TMEM71: variants seen among roughly 807,000 people sequenced by gnomAD.
TMEM71 encodes transmembrane protein 71.
A neutral mutation model predicts 38.0 loss-of-function variants in TMEM71; 44 were observed. That is an observed-to-expected ratio of 1.16 (90% CI 0.91 to 1.49). The LOEUF (loss-of-function observed/expected upper bound fraction) is 1.49, where lower values mean the gene tolerates loss of function less well. Among genes scored for constraint, TMEM71 ranks in the 40% most tolerant of loss-of-function variants. The pLI is 0.00. For synonymous variants in TMEM71, 133 were observed against 122.5 expected, an observed-to-expected ratio of 1.09 and a Z score of -0.56; for missense variants, 367 against 348.6, an observed-to-expected ratio of 1.05 and a Z score of -0.42.
chr8:132,755,043 C>T (rs190983952), intron 3 of TMEM71, among the ~76,000 whole-genome samples: 1 of 152,148 alleles, frequency 6.6e-6, no homozygotes, highest in African/African-American at 2.4e-5. Flanking sequence ...TACTCTAGTG[C>T]TCTTTCTTCT....
chr8:132,760,313 C>T (rs1003740416), intron 1 of TMEM71, 163 bp downstream of exon 1: 2 of 152,200 alleles, frequency 1.3e-5, no homozygotes, highest in Non-Finnish European at 2.9e-5. Flanking sequence ...AAAGGGAGTT[C>T]CCAGCCTCTT....
chr8:132,768,011 C>T, the TMEM71 span, among the ~76,000 whole-genome samples: 1 of 152,132 alleles, frequency 6.6e-6, no homozygotes, highest in Non-Finnish European at 1.5e-5. Context: ...ATGGGGATTA[C>T]ATATACTAGT....
chr8:132,741,260 G>A (rs1828018338), intron 5 of TMEM71, among the ~76,000 whole-genome samples: 2 of 152,200 alleles, frequency 1.3e-5, no homozygotes, highest in African/African-American at 4.8e-5. Context: ...CTACTCGGGA[G>A]GCTGAGGGAG....
At chr8:132,747,801 G>T (rs1451268470) in intron 4 of TMEM71, among the ~76,000 whole-genome samples, 1 of 152,158 alleles carries the variant, frequency 6.6e-6, no homozygotes, top group East Asian at 1.9e-4. Context: ...AAATGAAGCT[G>T]GACAGGTAAA....
chr8:132,749,178 T>C (rs1828554869), intron 4 of TMEM71, among the ~76,000 whole-genome samples: 1 of 152,150 alleles, frequency 6.6e-6, no homozygotes, highest in South Asian at 2.1e-4. Flanking sequence ...GAAAACCACC[T>C]TGCAATAGCC....
chr8:132,748,953 A>G (rs1405153464), intron 4 of TMEM71, among the ~76,000 whole-genome samples: 1 of 152,254 alleles, frequency 6.6e-6, no homozygotes, highest in African/African-American at 2.4e-5. Flanking sequence ...TGGGAATGGC[A>G]GTAATAAAAT....
chr8:132,719,345 A>T (rs1826713214), intron 7 of TMEM71, among the ~76,000 whole-genome samples: 1 of 152,246 alleles, frequency 6.6e-6, no homozygotes, highest in South Asian at 2.1e-4. Flanking sequence ...ATGATGCCAC[A>T]AGTGGAAACT....
At chr8:132,773,371 C>A in the TMEM71 span, among the ~76,000 whole-genome samples, 1 of 152,104 alleles carries the variant, frequency 6.6e-6, no homozygotes, top group African/African-American at 2.4e-5. Context: ...TTTTTTCTTT[C>A]AAGTGTCATT....
chr8:132,750,979 G>A (rs1828676538), intron 4 of TMEM71, among the ~76,000 whole-genome samples: 1 of 151,958 alleles, frequency 6.6e-6, no homozygotes, highest in Admixed American at 6.6e-5. Context: ...CTTTTAATCT[G>A]TGGATACCTT....
At chr8:132,743,814 TG>T (rs1828186263) in intron 5 of TMEM71, among the ~76,000 whole-genome samples, 1 of 152,162 alleles carries the variant, frequency 6.6e-6, no homozygotes, top group Non-Finnish European at 1.5e-5. Flanking sequence ...TTTCAAACCA[TG>T]CATGCTATCT....
chr8:132,772,772 T>C, the TMEM71 span, among the ~76,000 whole-genome samples: 6 of 152,302 alleles, frequency 3.9e-5, no homozygotes, highest in Admixed American at 2.6e-4. Flanking sequence ...CATTCATCCA[T>C]GTATCACAGA....
At position 132,747,013 on chromosome 8, in the gene TMEM71, T is replaced by C. The variant is rs758702369; in HGVS notation, c.416A>G (p.Asn139Ser). Residue 139 changes from asparagine (N) to serine (S), a missense_variant, in exon 5 of 10, where the codon AAC becomes AGC. Transcript: ENST00000677595. Reference sequence around the variant, plus strand: ...CCAGTTGTCTTCACTTGGAGAAGAGTTGATGTCACCAAAGATACTTCCATG... The same window carrying C: ...CCAGTTGTCTTCACTTGGAGAAGAGCTGATGTCACCAAAGATACTTCCATG... Reference protein sequence around the residue: ...WLHGSIFGDINSSPSEDNWLK... With the variant: ...WLHGSIFGDISSSPSEDNWLK... The C allele has an allele frequency of 1.2e-6, 2 of 1,613,666 alleles. No homozygotes were observed. The highest frequency in any genetic ancestry group is 1.3e-5 in the African/African-American group (1 of 74,984).
chr8:132,724,958 T>C (rs934922118), intron 6 of TMEM71, among the ~76,000 whole-genome samples: 5 of 152,196 alleles, frequency 3.3e-5, no homozygotes, highest in African/African-American at 1.2e-4. Context: ...TCTGCAGAAC[T>C]GGAAACTGGA....
chr8:132,736,421 G>A, intron 5 of TMEM71, among the ~76,000 whole-genome samples: 1 of 152,054 alleles, frequency 6.6e-6, no homozygotes, highest in Non-Finnish European at 1.5e-5. Context: ...TAGGAGATGG[G>A]GAGATGTTGG....
chr8:132,740,264 G>T (rs1371494932), intron 5 of TMEM71, among the ~76,000 whole-genome samples: 1 of 152,084 alleles, frequency 6.6e-6, no homozygotes, highest in African/African-American at 2.4e-5. Context: ...CACTTGCCTG[G>T]ATTGTTCCTC....
chr8:132,754,388 T>G (rs1828890596), intron 3 of TMEM71, among the ~76,000 whole-genome samples: 1 of 152,218 alleles, frequency 6.6e-6, no homozygotes, highest in South Asian at 2.1e-4. Flanking sequence ...TTTGGACCAA[T>G]TTTATATTAC....
At chr8:132,746,156 C>T (rs1195019782) in intron 5 of TMEM71, among the ~76,000 whole-genome samples, 1 of 150,388 alleles carries the variant, frequency 6.6e-6, no homozygotes. Context: ...ACATGTACCT[C>T]CTGATTCTAA....
chr8:132,749,273 G>A (rs568009667), intron 4 of TMEM71, among the ~76,000 whole-genome samples: 1 of 152,182 alleles, frequency 6.6e-6, no homozygotes, highest in South Asian at 2.1e-4. Flanking sequence ...AGGTGATGGT[G>A]GCCTGAATGA....
chr8:132,733,437 G>A (rs1827571296), intron 5 of TMEM71, among the ~76,000 whole-genome samples: 2 of 152,196 alleles, frequency 1.3e-5, no homozygotes, highest in South Asian at 4.1e-4. Context: ...TTTGAGCTAA[G>A]ACTGCGACTT....
Sources: allele counts gnomAD v4.1 joint callset (sites outside exome capture counted in the v4.1 genomes callset), GRCh38; gene constraint gnomAD v4.1.1; transcripts MANE v1.5; gene names NCBI Gene and HGNC (gene_info 2026-07-23, HGNC 2026-07-21).